Variants in ACSL4 observed in about 807,000 individuals in gnomAD.
ACSL4 encodes the protein acyl-CoA synthetase long chain family member 4.
A neutral mutation model predicts 49.1 loss-of-function variants in ACSL4; 9 were observed. The ratio of observed to expected loss-of-function variants is 0.18; its 90% confidence interval spans 0.11 to 0.32. The LOEUF (loss-of-function observed/expected upper bound fraction) is 0.32, where lower values mean the gene tolerates loss of function less well. Among genes scored for constraint, ACSL4 ranks in the 10% least tolerant of loss-of-function variants. The pLI, the probability that ACSL4 is intolerant of heterozygous loss-of-function variation, is 1.00. For missense variants in ACSL4, 333 were observed against 493.7 expected (o/e 0.67, Z 3.08); for synonymous variants, 191 against 170.3 (o/e 1.12, Z -0.95).
At chrX:109,669,526 T>C (rs997710347) in intron 9 of ACSL4, among the ~76,000 whole-genome samples, 8 of 110,288 alleles carry the variant, frequency 7.3e-5, no homozygotes, top group Non-Finnish European at 1.5e-4. Context: ...CCCCAGTAGC[T>C]GGGACTACAG....
At chrX:109,724,156 A>C (rs1446238547) in intron 1 of ACSL4, among the ~76,000 whole-genome samples, 1 of 112,414 alleles carries the variant, frequency 8.9e-6, no homozygotes, top group East Asian at 2.8e-4. Context: ...CAGGTAAACG[A>C]TCATAAAAAT....
chrX:109,692,753 A>G (rs1925136878), intron 2 of ACSL4, among the ~76,000 whole-genome samples: 1 of 112,179 alleles, frequency 8.9e-6, no homozygotes, highest in African/African-American at 3.2e-5. Context: ...TCTTCGATTT[A>G]CTGGGTGCTT....
At chrX:109,650,102 T>G (rs1202768743) in intron 15 of ACSL4, among the ~76,000 whole-genome samples, 4 of 111,814 alleles carry the variant, frequency 3.6e-5, no homozygotes, top group Non-Finnish European at 5.6e-5. Flanking sequence ...GTTCAACCGT[T>G]GTGGAAGTCA....
At chrX:109,701,280 G>T (rs1925905100) in intron 1 of ACSL4, among the ~76,000 whole-genome samples, 1 of 108,407 alleles carries the variant, frequency 9.2e-6, no homozygotes, top group African/African-American at 3.4e-5. Context: ...GCAGTGGCAT[G>T]ATCTCGGCTC....
At chrX:109,724,024 G>A (rs1032631359) in intron 1 of ACSL4, among the ~76,000 whole-genome samples, 1 of 111,849 alleles carries the variant, frequency 8.9e-6, no homozygotes, top group Admixed American at 9.5e-5. Flanking sequence ...GCTTTTTGTA[G>A]TGGGTACCTT....
In ACSL4 at chrX:109,643,554, T is replaced by C. The variant is rs192123348; in HGVS notation, c.*475A>G. ...TATTGAATTTTTCCTTCAAGATAAA[T>C]GGTTGGAAGAGAATTTTAAAGCCCT... On this transcript the variant is annotated 3_prime_UTR_variant, in exon 16 of 16. Coordinates refer to ENST00000672401, the MANE Select transcript of ACSL4 (RefSeq NM_001318510.2). The C allele has an allele frequency of 8.5e-6, 1 of 117,975 alleles. No homozygotes were observed. The highest frequency in any genetic ancestry group is 2.5e-4 in the East Asian group (1 of 3,968). The allele number at this position is 117,975 out of a possible 1,213,427, so 9.7% of individuals were successfully genotyped here.
chrX:109,723,916 T>G (rs1161312119), intron 1 of ACSL4, among the ~76,000 whole-genome samples: 4 of 112,406 alleles, frequency 3.6e-5, no homozygotes, highest in Non-Finnish European at 5.6e-5. Context: ...GGTTTACATT[T>G]CCCTAATAAC....
chrX:109,671,940 G>A (rs769146527), intron 9 of ACSL4, among the ~76,000 whole-genome samples: 1 of 109,611 alleles, frequency 9.1e-6, no homozygotes, highest in Non-Finnish European at 1.9e-5. Context: ...AAACACTGCG[G>A]AAGGCGGCAG....
intron 2 of ACSL4, among the ~76,000 whole-genome samples, chrX:109,684,907 ACTAAATACG>A (rs1370321722): frequency 3.6e-5 from 4 of 110,508 alleles, no homozygotes; most frequent in African/African-American, 9.9e-5. Context: ...CACAGCATAC[ACTAAATACG>A]CTAAATACGC....
In ACSL4 at chrX:109,669,125, T is replaced by A; in HGVS notation, c.1051A>T (p.Met351Leu). The A allele has an allele frequency of 8.5e-7, 1 of 1,172,226 alleles. No homozygotes were observed. The highest frequency in any genetic ancestry group is 1.2e-6 in the Non-Finnish European group (1 of 861,721). Residue 351 changes from methionine (M) to leucine (L), a missense_variant, in exon 10 of 16, where the codon ATG becomes TTG. By Grantham distance (15) the Met-to-Leu change is conservative. Coordinates refer to ENST00000672401, the MANE Select transcript of ACSL4 (RefSeq NM_001318510.2). ...AACAGAGTTTTCTGAATATAATTCA[T>A]CTCTTGGACTTTGCTCATAACATTC... ...YKNVMSKVQE[M>L]NYIQKTLFKI... is the part of the protein sequence containing the mutation.
At chrX:109,695,302 A>G (rs1360487825) in intron 2 of ACSL4, among the ~76,000 whole-genome samples, 2 of 108,913 alleles carry the variant, frequency 1.8e-5, no homozygotes, top group East Asian at 5.8e-4. Flanking sequence ...CCGAGATCAC[A>G]CCACTGCACT....
intron 15 of ACSL4, among the ~76,000 whole-genome samples, chrX:109,644,838 C>T (rs1481650257): frequency 1.8e-5 from 2 of 113,052 alleles, no homozygotes; most frequent in Non-Finnish European, 3.7e-5. Context: ...ATGCGCGAGC[C>T]GAAGCAGGGC....
intron 15 of ACSL4, among the ~76,000 whole-genome samples, chrX:109,645,829 A>C (rs759926728): frequency 8.9e-6 from 1 of 112,360 alleles, no homozygotes; most frequent in Admixed American, 9.4e-5. Flanking sequence ...GTGCTTAAAG[A>C]AGCTGACGGA....
chrX:109,670,513 A>T (rs1193686999), intron 9 of ACSL4, among the ~76,000 whole-genome samples: 1 of 102,429 alleles, frequency 9.8e-6, no homozygotes, highest in Non-Finnish European at 2.0e-5. Flanking sequence ...TGAACCCGGG[A>T]GGTGGAGGTT....
At chrX:109,681,416 T>C (rs1924156976) in intron 4 of ACSL4, 41 bp from the exon 5 acceptor site, 1 of 933,248 alleles carries the variant, frequency 1.1e-6, no homozygotes, top group Non-Finnish European at 1.5e-6. Flanking sequence ...GTAATAAACA[T>C]CTATTAGAAA....
intron 1 of ACSL4, among the ~76,000 whole-genome samples, chrX:109,732,596 G>GA (rs1237277156): frequency 8.9e-6 from 1 of 111,935 alleles, no homozygotes; most frequent in African/African-American, 3.2e-5. Context: ...TAAGCCTACG[G>GA]AAGCTAGGAA....
chrX:109,644,839 G>A (rs1020006566), intron 15 of ACSL4, among the ~76,000 whole-genome samples: 3 of 113,254 alleles, frequency 2.6e-5, no homozygotes, highest in South Asian at 3.6e-4. Context: ...TGCGCGAGCC[G>A]AAGCAGGGCG....
intron 1 of ACSL4, among the ~76,000 whole-genome samples, chrX:109,708,876 C>T (rs1926552615): frequency 8.9e-6 from 1 of 111,898 alleles, no homozygotes; most frequent in Non-Finnish European, 1.9e-5. Flanking sequence ...AATCCAAACA[C>T]TTCTGGCCCC....
At chrX:109,710,487 A>G (rs1479944410) in intron 1 of ACSL4, among the ~76,000 whole-genome samples, 1 of 112,105 alleles carries the variant, frequency 8.9e-6, no homozygotes, top group Non-Finnish European at 1.9e-5. Context: ...AACATTTATA[A>G]TCCAATTTCT....
Sources: allele counts gnomAD v4.1 joint callset (sites outside exome capture counted in the v4.1 genomes callset), GRCh38; gene constraint gnomAD v4.1.1; transcripts MANE v1.5; gene names NCBI Gene and HGNC (gene_info 2026-07-23, HGNC 2026-07-21).